Variants in UTRN observed in about 807,000 individuals in gnomAD.
UTRN encodes the protein dystrophin-related protein 1.
UTRN carries 283 observed loss-of-function variants against 463.9 expected under a neutral mutation model. That is an observed-to-expected ratio of 0.61 (90% confidence interval 0.55 to 0.67). The LOEUF (loss-of-function observed/expected upper bound fraction) is 0.67, where lower values mean the gene tolerates loss of function less well. Among genes scored for constraint, UTRN ranks in the 30% least tolerant of loss-of-function variants. UTRN has a pLI of 0.00. For missense variants in UTRN, 3,922 were observed against 4,084.3 expected, an observed-to-expected ratio of 0.96 and a Z score of 1.08; for synonymous variants, 1,442 against 1,431.5, an observed-to-expected ratio of 1.01 and a Z score of -0.17.
At chr6:144,340,445 G>A (rs1777057903) in intron 2 of UTRN, among the ~76,000 whole-genome samples, 1 of 152,184 alleles carries the variant, frequency 6.6e-6, no homozygotes, top group Admixed American at 6.5e-5. Context: ...TGGGGCTGAT[G>A]CTGCTGGGTG....
chr6:144,327,949 CACAAA>C lies in UTRN; in HGVS notation c.79+36058_79+36062del, dbSNP rs10674133. Among the ~76,000 whole-genome samples the C allele has an allele frequency of 3.4e-3, 517 of 152,014 alleles. 3 individuals carry two copies. The highest frequency in any genetic ancestry group is 0.012 in the African/African-American group (491 of 41,458). ...ACAAGGGCGAAACTCCGTCTCAAAA[CACAAA>C]ACAAAACAAAACAAAGCAAAACGAA... On this transcript the variant is annotated intron_variant, in intron 2 of 74. Transcript: ENST00000367545.
rs116467671 is a variant in UTRN at position 144,577,217 on chromosome 6, G to A, written c.7408G>A (p.Val2470Met). The change falls in exon 51 of 75, where the codon GTG (valine) becomes ATG (methionine). Residue 2470 changes from valine (V) to methionine (M), a missense_variant. By Grantham distance (21) the Val-to-Met change is conservative. Transcript: ENST00000367545. The stretch of plus-strand genomic sequence containing the variant: ...AGCAGAGACCACAGTGAATGTGCTT[G>A]TGGATGCCTCTCATCGGGAGAATGC... Reference protein sequence around the residue: ...QEAETTVNVLVDASHRENALQ... With the variant: ...QEAETTVNVLMDASHRENALQ... 5.0e-6 allele frequency: 8 copies of A among 1,613,894 alleles called. No homozygotes were observed. Among genetic ancestry groups the A allele is most frequent in the Non-Finnish European group, 6.8e-6 (8 of 1,179,938 alleles).
chr6:144,672,766 G>A (rs138424295), intron 51 of UTRN, among the ~76,000 whole-genome samples: 1,922 of 152,036 alleles, frequency 0.013, 43 homozygotes, highest in African/African-American at 0.043. Context: ...ACCTTTCCTT[G>A]TCTGTTTGTG....
intron 51 of UTRN, among the ~76,000 whole-genome samples, chr6:144,672,290 C>CT (rs752185187): frequency 0.034 from 4,866 of 143,858 alleles, 106 homozygotes; most frequent in Non-Finnish European, 0.053. Context: ...CTGGTGTGGA[C>CT]TTTTTTTTTT....
chr6:144,826,858 A>G (rs1476255044), intron 66 of UTRN, among the ~76,000 whole-genome samples: 1 of 152,088 alleles, frequency 6.6e-6, no homozygotes, highest in East Asian at 1.9e-4. Flanking sequence ...TTGGATGTTT[A>G]CATTTAAAAT....
At chr6:144,449,212 C>T (rs547174255) in intron 17 of UTRN, among the ~76,000 whole-genome samples, 1 of 152,172 alleles carries the variant, frequency 6.6e-6, no homozygotes, top group African/African-American at 2.4e-5. Context: ...TTTCCAGACC[C>T]TTTTATATCT....
intron 42 of UTRN, among the ~76,000 whole-genome samples, chr6:144,531,633 C>A (rs1040014592): frequency 3.9e-5 from 6 of 152,144 alleles, no homozygotes; most frequent in Non-Finnish European, 8.8e-5. Context: ...GACAGCAGGG[C>A]AGCTGCTCAT....
In UTRN at chr6:144,843,466, T is replaced by C. The variant is rs540458657; in HGVS notation, c.10270+2634T>C. ...ACAGAACATTATTAAAAATAAATAA[T>C]CATAATTTAGAGCAAAAATGAATTG... On this transcript the variant is annotated intron_variant, in intron 73 of 74. Coordinates refer to ENST00000367545, the MANE Select transcript of UTRN (RefSeq NM_007124.3). Among the ~76,000 whole-genome samples, 11 of 152,294 alleles carry C rather than the reference T, an allele frequency of 7.2e-5. No individual in the cohort carries two copies. In the South Asian group the frequency reaches 2.3e-3, roughly 32 times the overall value.
At chr6:144,598,088 A>G (rs1426759484) in intron 51 of UTRN, among the ~76,000 whole-genome samples, 5 of 152,224 alleles carry the variant, frequency 3.3e-5, no homozygotes. Context: ...GAAAAGAGTC[A>G]AACTCTGTAA....
chr6:144,560,673 T>C (rs1799786434), intron 50 of UTRN, among the ~76,000 whole-genome samples: 1 of 152,162 alleles, frequency 6.6e-6, no homozygotes, highest in South Asian at 2.1e-4. Context: ...CTAAATAATT[T>C]AGCTATTCAC....
intron 58 of UTRN, among the ~76,000 whole-genome samples, chr6:144,764,882 A>G (rs1309055760): frequency 6.6e-6 from 1 of 152,350 alleles, no homozygotes; most frequent in East Asian, 1.9e-4. Flanking sequence ...AACTTAAAGG[A>G]TACAATGATC....
At chr6:144,778,652 G>A (rs1383103373) in intron 60 of UTRN, among the ~76,000 whole-genome samples, 1 of 151,808 alleles carries the variant, frequency 6.6e-6, no homozygotes, top group Non-Finnish European at 1.5e-5. Flanking sequence ...ATAAAGAATG[G>A]CCACATAGCT....
chr6:144,614,978 A>G (rs1199139231), intron 51 of UTRN, among the ~76,000 whole-genome samples: 1 of 152,176 alleles, frequency 6.6e-6, no homozygotes, highest in East Asian at 1.9e-4. Flanking sequence ...GCATTAGTCT[A>G]AATAACAAAC....
At chr6:144,701,096 G>A (rs1394988450) in intron 53 of UTRN, among the ~76,000 whole-genome samples, 2 of 151,956 alleles carry the variant, frequency 1.3e-5, no homozygotes, top group African/African-American at 4.8e-5. Flanking sequence ...TACTAGAGAC[G>A]GGATTTCACC....
intron 51 of UTRN, among the ~76,000 whole-genome samples, chr6:144,636,996 G>A (rs1384767620): frequency 6.6e-6 from 1 of 152,088 alleles, no homozygotes; most frequent in Non-Finnish European, 1.5e-5. Context: ...TTGAGACGGA[G>A]TCTTCATTGA....
At chr6:144,371,725 T>C (rs893995248) in intron 2 of UTRN, among the ~76,000 whole-genome samples, 7 of 152,178 alleles carry the variant, frequency 4.6e-5, no homozygotes, top group Admixed American at 3.3e-4. Flanking sequence ...AACTTTTATA[T>C]TTCACATAGC....
intron 3 of UTRN, among the ~76,000 whole-genome samples, chr6:144,420,028 G>A (rs780650464): frequency 3.3e-5 from 5 of 151,750 alleles, no homozygotes; most frequent in Non-Finnish European, 5.9e-5. Context: ...CACGAGGGAA[G>A]GAAGGAAGGA....
At chr6:144,482,435 A>ATTATTG in intron 27 of UTRN, 47 bp downstream of exon 27, 1 of 1,157,946 alleles carries the variant, frequency 8.6e-7, no homozygotes, top group Non-Finnish European at 1.1e-6. Flanking sequence ...TATTATTATT[A>ATTATTG]TTATTATTTT....
At chr6:144,436,774 T>TAATA (rs956632222) in intron 10 of UTRN, among the ~76,000 whole-genome samples, 8 of 143,908 alleles carry the variant, frequency 5.6e-5, no homozygotes, top group South Asian at 2.1e-4. Context: ...TTTATATATA[T>TAATA]AATAAATAAA....
Sources: gnomAD v4.1 joint callset for allele counts (sites outside exome capture counted in the v4.1 genomes callset) on GRCh38, gnomAD v4.1.1 for gene constraint, MANE v1.5 for transcripts, NCBI Gene and HGNC (gene_info 2026-07-23, HGNC 2026-07-21) for gene names.